Variants in ERBB4 observed in about 807,000 individuals in gnomAD.
ERBB4 encodes receptor tyrosine-protein kinase erbB-4.
Under a neutral mutation model 158.0 loss-of-function variants are expected in ERBB4, and 42 were observed. The ratio of observed to expected loss-of-function variants is 0.27; its 90% CI spans 0.21 to 0.34. The LOEUF is 0.34. Among genes scored for constraint, ERBB4 ranks in the 10% least tolerant of loss-of-function variants. ERBB4 has a pLI of 1.00. For synonymous variants in ERBB4, 583 were observed against 558.7 expected, an observed-to-expected ratio of 1.04 and a Z score of -0.61; for missense variants, 1,333 against 1,624.1, an observed-to-expected ratio of 0.82 and a Z score of 3.08.
At chr2:211,395,836 A>G (rs572257438) in intron 25 of ERBB4, among the ~76,000 whole-genome samples, 235 of 152,174 alleles carry the variant, frequency 1.5e-3, no homozygotes, top group South Asian at 3.5e-3. Flanking sequence ...CGATATACAC[A>G]TACATGCTTA....
At chr2:212,044,074 T>A (rs2077201396) in intron 2 of ERBB4, among the ~76,000 whole-genome samples, 1 of 152,144 alleles carries the variant, frequency 6.6e-6, no homozygotes, top group Non-Finnish European at 1.5e-5. Flanking sequence ...GTTGTTGTTT[T>A]ATTCTGAGTG....
At chr2:212,203,895 G>C (rs566780127) in intron 1 of ERBB4, among the ~76,000 whole-genome samples, 59 of 152,244 alleles carry the variant, frequency 3.9e-4, no homozygotes, top group African/African-American at 1.4e-3. Flanking sequence ...TTTGTTTCTA[G>C]ATAAATGACC....
intron 25 of ERBB4, among the ~76,000 whole-genome samples, chr2:211,401,173 G>T (rs2063032837): frequency 6.6e-6 from 1 of 151,806 alleles, no homozygotes; most frequent in Non-Finnish European, 1.5e-5. Context: ...TCACCACTTA[G>T]CCACAGAAAG....
intron 1 of ERBB4, among the ~76,000 whole-genome samples, chr2:212,520,900 T>C (rs996190970): frequency 6.9e-6 from 1 of 143,962 alleles, no homozygotes; most frequent in Non-Finnish European, 1.5e-5. Context: ...GTGAAGTTTA[T>C]GATGTCATGC....
chr2:212,001,744 A>G (rs1317628075), intron 2 of ERBB4, among the ~76,000 whole-genome samples: 2 of 152,180 alleles, frequency 1.3e-5, no homozygotes, highest in Non-Finnish European at 2.9e-5. Context: ...ATGAAATAGC[A>G]TCTCTTTTCT....
At chr2:211,541,722 G>T (rs1179412050) in intron 20 of ERBB4, among the ~76,000 whole-genome samples, 2 of 151,896 alleles carry the variant, frequency 1.3e-5, no homozygotes, top group Non-Finnish European at 2.9e-5. Context: ...ACACTAGTTT[G>T]TTCCAATTGT....
intron 2 of ERBB4, among the ~76,000 whole-genome samples, chr2:211,956,789 A>G (rs2081047146): frequency 6.6e-6 from 1 of 152,054 alleles, no homozygotes; most frequent in Non-Finnish European, 1.5e-5. Flanking sequence ...CAGATTATCT[A>G]TTGTTGGCTA....
At chr2:212,234,407 T>A (rs2371568) in intron 1 of ERBB4, among the ~76,000 whole-genome samples, 148,691 of 152,266 alleles carry the variant, frequency 0.98, 72,695 homozygotes, top group Middle Eastern at 1. Context: ...GTTGGTTTCA[T>A]GTCTTTGCTA....
intron 2 of ERBB4, among the ~76,000 whole-genome samples, chr2:212,100,935 A>G (rs2079064353): frequency 6.6e-6 from 1 of 152,144 alleles, no homozygotes; most frequent in Non-Finnish European, 1.5e-5. Flanking sequence ...AGCCACAGGT[A>G]AGTAGATAAA....
intron 2 of ERBB4, among the ~76,000 whole-genome samples, chr2:212,020,494 T>C (rs2076624930): frequency 6.6e-6 from 1 of 152,112 alleles, no homozygotes; most frequent in Non-Finnish European, 1.5e-5. Flanking sequence ...ATGTATTTTA[T>C]TTTTAAGCTA....
At chr2:212,000,347 A>G (rs1011117428) in intron 2 of ERBB4, among the ~76,000 whole-genome samples, 2 of 151,866 alleles carry the variant, frequency 1.3e-5, no homozygotes. Context: ...CCTATATCAG[A>G]TGGAGATTAC....
chr2:211,947,050 A>G (rs1210815650), intron 3 of ERBB4, among the ~76,000 whole-genome samples: 3 of 152,140 alleles, frequency 2.0e-5, no homozygotes, highest in South Asian at 2.1e-4. Flanking sequence ...ATGGAAATAG[A>G]TATAACAGCT....
At chr2:211,798,140 C>A (rs564808842) in intron 3 of ERBB4, among the ~76,000 whole-genome samples, 55 of 151,952 alleles carry the variant, frequency 3.6e-4, no homozygotes, top group Non-Finnish European at 5.3e-4. Flanking sequence ...TTCCCTGCTT[C>A]ATTCCAGTCA....
chr2:212,251,174 C>A (rs987662794), intron 1 of ERBB4, among the ~76,000 whole-genome samples: 1 of 151,924 alleles, frequency 6.6e-6, no homozygotes, highest in Non-Finnish European at 1.5e-5. Context: ...CAGTAAGACA[C>A]AAAATTTCTA....
chr2:212,232,432 A>G (rs924312145), intron 1 of ERBB4, among the ~76,000 whole-genome samples: 2 of 152,096 alleles, frequency 1.3e-5, no homozygotes, highest in East Asian at 3.9e-4. Flanking sequence ...ATTTTGAGAC[A>G]GAGTCTTGCT....
At chr2:211,578,152 A>T (rs146126357) in intron 19 of ERBB4, among the ~76,000 whole-genome samples, 1 of 152,138 alleles carries the variant, frequency 6.6e-6, no homozygotes, top group East Asian at 1.9e-4. Context: ...ACTCCTATAC[A>T]CCAACAACAG....
chr2:212,232,031 G>A (rs1039701546), intron 1 of ERBB4, among the ~76,000 whole-genome samples: 2 of 152,024 alleles, frequency 1.3e-5, no homozygotes, highest in African/African-American at 4.8e-5. Context: ...TTTTAGATTC[G>A]AATTTCCTGT....
Position 211,577,793 on chromosome 2 carries a change from G to A in ERBB4, c.2302-15705C>T, listed in dbSNP as rs562194940. ...ATGTTAAAAACTCTCAATAAACTAG[G>A]TATTAAAGGAACATATCTCAAAATA... is the stretch of plus-strand genomic sequence containing the variant. On this transcript the variant is annotated intron_variant, in intron 19 of 27. Transcript: ENST00000342788. 7.3e-4 allele frequency among the ~76,000 whole-genome samples: 111 copies of A among 152,040 alleles called. 2 individuals are homozygous for A. The highest frequency in any genetic ancestry group is 2.4e-3 in the African/African-American group (98 of 41,482).
chr2:212,496,289 A>C (rs969331323), intron 1 of ERBB4, among the ~76,000 whole-genome samples: 2 of 151,870 alleles, frequency 1.3e-5, no homozygotes, highest in African/African-American at 2.4e-5. Context: ...GGTAAAAAAA[A>C]AAAACAAAAA....
Sources: gnomAD v4.1 joint callset for allele counts (sites outside exome capture counted in the v4.1 genomes callset) on GRCh38, gnomAD v4.1.1 for gene constraint, MANE v1.5 for transcripts, NCBI Gene and HGNC (gene_info 2026-07-23, HGNC 2026-07-21) for gene names.